Variants in RMDN1 observed in about 807,000 individuals in gnomAD.
The protein encoded by RMDN1 is regulator of microtubule dynamics protein 1.
A neutral mutation model predicts 48.9 loss-of-function variants in RMDN1; 48 were observed. The ratio of observed to expected loss-of-function variants is 0.98; its 90% CI spans 0.78 to 1.25. The LOEUF (loss-of-function observed/expected upper bound fraction) is 1.25, where lower values mean the gene tolerates loss of function less well. Ranked by LOEUF, RMDN1 falls within the 50% of genes most tolerant of loss-of-function variation. The pLI, the probability that RMDN1 is intolerant of heterozygous loss-of-function variation, is 0.00. For synonymous variants in RMDN1, 148 were observed against 132.6 expected, an observed-to-expected ratio of 1.12 and a Z score of -0.80; for missense variants, 418 against 373.4, an observed-to-expected ratio of 1.12 and a Z score of -0.98.
At chr8:86,510,268 C>T (rs913865205), upstream of RMDN1, among the ~76,000 whole-genome samples, 1 of 152,062 alleles carries the variant, frequency 6.6e-6, no homozygotes. Context: ...TTACTTAGTC[C>T]CAGTTTAATT....
intron 2 of RMDN1, chr8:86,504,197 G>A: frequency 6.5e-7 from 1 of 1,527,846 alleles, no homozygotes; most frequent in Non-Finnish European, 9.1e-7. Context: ...CTTCCATTTT[G>A]CCCTGAAAGT....
At chr8:86,476,720 A>T (rs1813435303) in intron 8 of RMDN1, among the ~76,000 whole-genome samples, 1 of 152,122 alleles carries the variant, frequency 6.6e-6, no homozygotes, top group African/African-American at 2.4e-5. Flanking sequence ...TTTTTCAGAC[A>T]AGTCTCACTC....
At position 86,473,544 on chromosome 8, in the gene RMDN1, T is replaced by A; in HGVS notation, c.*764A>T. ...AATTTGGGAGGCCAAGGCGGGCAGATCACTTGAGGCCAGGAGTTTGAGACC... is the reference window on the plus strand; with the variant it reads ...AATTTGGGAGGCCAAGGCGGGCAGAACACTTGAGGCCAGGAGTTTGAGACC... On this transcript the variant is annotated 3_prime_UTR_variant, in exon 10 of 10. Transcript: ENST00000406452. 1.3e-6 allele frequency: 1 copy of A among 763,854 alleles called. No individual in the cohort carries two copies. Among genetic ancestry groups the A allele is most frequent in the Non-Finnish European group, 1.6e-6 (1 of 628,132 alleles). 47.3% of individuals were successfully genotyped at this position (763,854 alleles called of 1,614,324 possible).
At chr8:86,468,405 ACT>A (rs1303968441), downstream of RMDN1, 7 of 449,648 alleles carry the variant, frequency 1.6e-5, no homozygotes, top group Admixed American at 2.4e-5. Context: ...TATTATGAAC[ACT>A]CTGGTAATTT....
At position 86,482,577 on chromosome 8, in the gene RMDN1, A is replaced by T. The variant is rs961504680; in HGVS notation, c.586-2245T>A. On this transcript the variant is annotated intron_variant, in intron 5 of 9. Coordinates refer to ENST00000406452, the MANE Select transcript of RMDN1 (RefSeq NM_016033.3). ...TGCCTGTCAAATTCACTAAGAAGTTAATGAGTGAGTTTTTGTGACAACTGC... is the reference window on the plus strand; with the variant it reads ...TGCCTGTCAAATTCACTAAGAAGTTTATGAGTGAGTTTTTGTGACAACTGC... The T allele has an allele frequency of 6.2e-5, 46 of 747,202 alleles. 1 individual carries two copies. The highest frequency in any genetic ancestry group is 3.1e-4 in the Middle Eastern group (1 of 3,202). 46.3% of individuals were successfully genotyped at this position (747,202 alleles called of 1,614,324 possible).
At chr8:86,483,025 A>T (rs13281414) in intron 5 of RMDN1, 3 of 567,636 alleles carry the variant, frequency 5.3e-6, no homozygotes, top group South Asian at 2.2e-5. Flanking sequence ...CGCCCAGGCC[A>T]GGGTTTAATT....
At chr8:86,486,747 T>C (rs552895849) in intron 3 of RMDN1, 104 bp from the exon 4 acceptor site, 3 of 775,944 alleles carry the variant, frequency 3.9e-6, no homozygotes, top group East Asian at 6.1e-5. Context: ...CTTAGGAAGC[T>C]AGCAACATGA....
At chr8:86,476,577 T>C (rs896844788) in intron 8 of RMDN1, among the ~76,000 whole-genome samples, 19 of 152,252 alleles carry the variant, frequency 1.2e-4, no homozygotes, top group Admixed American at 7.9e-4. Flanking sequence ...GGCAGTTTCA[T>C]AGGACTAGTC....
At chr8:86,474,470 A>G (rs2130426174) in intron 9 of RMDN1, 112 bp from the exon 10 acceptor site, 1 of 847,624 alleles carries the variant, frequency 1.2e-6, no homozygotes, top group East Asian at 2.4e-5. Context: ...CAGATAGGAC[A>G]TTATAACAAT....
At chr8:86,505,426 C>T (rs1191376892) in intron 2 of RMDN1, 3 of 453,682 alleles carry the variant, frequency 6.6e-6, no homozygotes, top group Non-Finnish European at 1.3e-5. Context: ...CCCCCAACCT[C>T]AGACTTATCA....
chr8:86,493,937 A>G (rs1441977814), intron 2 of RMDN1, among the ~76,000 whole-genome samples: 31 of 152,258 alleles, frequency 2.0e-4, no homozygotes. Flanking sequence ...TCTAGTCCCA[A>G]GCAGTTTGGA....
At chr8:86,481,056 G>A (rs1213631474) in intron 5 of RMDN1, among the ~76,000 whole-genome samples, 1 of 152,060 alleles carries the variant, frequency 6.6e-6, no homozygotes, top group Non-Finnish European at 1.5e-5. Flanking sequence ...ACAGATTAAT[G>A]TTCATATTAA....
chr8:86,473,749 A>C lies in RMDN1; in HGVS notation c.*559T>G. On this transcript the variant is annotated 3_prime_UTR_variant, in exon 10 of 10. Transcript: ENST00000406452. The stretch of plus-strand genomic sequence containing the variant: ...CCACTGCACACCAGCCTGGGAAACA[A>C]AGTGAGACTCTGTCTCAAAAAAATA... The C allele has an allele frequency of 1.1e-6, 1 of 876,322 alleles. No individual in the cohort carries two copies. The highest frequency in any genetic ancestry group is 1.4e-6 in the Non-Finnish European group (1 of 730,434). The allele number at this position is 876,322 out of a possible 1,614,324, so 54.3% of individuals were successfully genotyped here.
In RMDN1 at chr8:86,484,924, T is replaced by G; in HGVS notation, c.533A>C (p.Glu178Ala). The change falls in exon 5 of 10, where the codon GAA becomes GCA. Residue 178 changes from glutamate to alanine, a missense_variant. By Grantham distance (107) the Glu-to-Ala change is moderately radical (BLOSUM62 -1). Transcript: ENST00000406452. ...AICLSDVGDY[E>A]GIKAKIANAY... ...ATTTGCAATTTTAGCCTTGATGCCT[T>G]CATAATCTCCAACATCACTAAGGCA... is the stretch of plus-strand genomic sequence containing the variant. 1 of 1,608,206 alleles carries G rather than the reference T, an allele frequency of 6.2e-7. No homozygotes were observed. Among genetic ancestry groups the G allele is most frequent in the South Asian group, 1.1e-5 (1 of 90,416 alleles).
chr8:86,501,206 T>C (rs1435596399), intron 2 of RMDN1, among the ~76,000 whole-genome samples: 1 of 152,040 alleles, frequency 6.6e-6, no homozygotes, highest in Non-Finnish European at 1.5e-5. Flanking sequence ...AAAATAAAAG[T>C]TGGAAAAAAA....
At chr8:86,480,754 T>C (rs990714691) in intron 5 of RMDN1, among the ~76,000 whole-genome samples, 2 of 152,088 alleles carry the variant, frequency 1.3e-5, no homozygotes, top group Non-Finnish European at 2.9e-5. Context: ...GAAAAGTGCA[T>C]TTTAGTTTTT....
intron 1 of RMDN1, among the ~76,000 whole-genome samples, chr8:86,507,804 C>A (rs920055253): frequency 1.3e-5 from 2 of 152,206 alleles, no homozygotes; most frequent in Non-Finnish European, 2.9e-5. Flanking sequence ...CCACCCCTCC[C>A]CACCATCAGT....
At chr8:86,508,435 G>C (rs1819752942) in intron 1 of RMDN1, 57 bp downstream of exon 1, 1 of 1,500,588 alleles carries the variant, frequency 6.7e-7, no homozygotes, top group South Asian at 1.2e-5. Context: ...AAGTTAAGGG[G>C]GAGCCGGAAC....
chr8:86,496,057 T>A (rs1563638704), intron 2 of RMDN1, among the ~76,000 whole-genome samples: 1 of 152,164 alleles, frequency 6.6e-6, no homozygotes, highest in African/African-American at 2.4e-5. Context: ...TAAACTAAGT[T>A]TTATAAGCAA....
Sources: allele counts gnomAD v4.1 joint callset (sites outside exome capture counted in the v4.1 genomes callset), GRCh38; gene constraint gnomAD v4.1.1; transcripts MANE v1.5; gene names NCBI Gene and HGNC (gene_info 2026-07-23, HGNC 2026-07-21).